Variants in MAN1C1 observed in about 807,000 individuals in gnomAD.
MAN1C1 encodes the protein mannosyl-oligosaccharide 1,2-alpha-mannosidase IC.
In MAN1C1, 49 loss-of-function variants were observed where a neutral mutation model predicts 71.5. The ratio of observed to expected loss-of-function variants is 0.69; its 90% CI spans 0.54 to 0.87. The LOEUF (loss-of-function observed/expected upper bound fraction) is 0.87. Ranked by LOEUF, MAN1C1 falls within the 40% of genes least tolerant of loss-of-function variation. The pLI is 0.00. For missense variants in MAN1C1, 743 were observed against 835.0 expected (o/e 0.89, Z 1.36); for synonymous variants, 352 against 343.7 (o/e 1.02, Z -0.27).
chr1:25,630,468 T>C (rs1223825396), intron 1 of MAN1C1, among the ~76,000 whole-genome samples: 1 of 152,228 alleles, frequency 6.6e-6, no homozygotes, highest in Non-Finnish European at 1.5e-5. Flanking sequence ...TGGGATTGCA[T>C]TGAATCTGTA....
chr1:25,757,510 G>C (rs1333696938), intron 5 of MAN1C1, among the ~76,000 whole-genome samples: 2 of 133,034 alleles, frequency 1.5e-5, no homozygotes, highest in African/African-American at 5.7e-5. Flanking sequence ...CGGGGGGGGG[G>C]GGCAGCTTGC....
At chr1:25,684,782 C>G (rs1395341701) in intron 1 of MAN1C1, among the ~76,000 whole-genome samples, 1 of 152,222 alleles carries the variant, frequency 6.6e-6, no homozygotes, top group East Asian at 1.9e-4. Context: ...GAAACACAGG[C>G]TGGGAGAGAG....
intron 5 of MAN1C1, among the ~76,000 whole-genome samples, chr1:25,755,326 C>G (rs1055532724): frequency 1.3e-5 from 2 of 152,212 alleles, no homozygotes; most frequent in Admixed American, 1.3e-4. Flanking sequence ...CCTCTGCAGC[C>G]AAGCTGGTCT....
intron 10 of MAN1C1, among the ~76,000 whole-genome samples, chr1:25,781,825 G>T (rs953132388): frequency 2.0e-4 from 31 of 152,268 alleles, no homozygotes; most frequent in African/African-American, 6.5e-4. Context: ...AAGGCCAAGC[G>T]TCTTGTGCTC....
In MAN1C1 at chr1:25,753,380, T is replaced by C; in HGVS notation, c.835-104T>C. 1.3e-6 allele frequency: 1 copy of C among 778,118 alleles called. No individual in the cohort carries two copies. The highest frequency in any genetic ancestry group is 2.0e-6 in the Non-Finnish European group (1 of 488,714). 48.2% of individuals were successfully genotyped at this position (778,118 alleles called of 1,614,324 possible). ...TGGACTGCAGCACTGCCCCCTACTC[T>C]AGACCTGCAGCCCTGGGGGGTTCAT... On this transcript the variant is annotated intron_variant, in intron 4 of 11. Coordinates refer to ENST00000374332, the MANE Select transcript of MAN1C1 (RefSeq NM_020379.4). This position sits in a 1 kb window ranked among gnomAD's most constrained non-coding sequence, Gnocchi z 4.9.
chr1:25,773,472 A>G (rs946626470), intron 8 of MAN1C1, among the ~76,000 whole-genome samples: 2 of 152,210 alleles, frequency 1.3e-5, no homozygotes, highest in Non-Finnish European at 2.9e-5. Context: ...TCAGTCATGA[A>G]GCAGCTTCTG....
intron 4 of MAN1C1, among the ~76,000 whole-genome samples, chr1:25,750,005 G>A (rs950153704): frequency 2.0e-5 from 3 of 152,194 alleles, no homozygotes; most frequent in South Asian, 2.1e-4. Flanking sequence ...GGAAGTGCAC[G>A]CTACAGGAAG....
chr1:25,758,786 G>A (rs1305208251), intron 6 of MAN1C1, 77 bp downstream of exon 6: 3 of 1,282,148 alleles, frequency 2.3e-6, no homozygotes, highest in Non-Finnish European at 3.4e-6. Flanking sequence ...TCAGAGGCGA[G>A]TGGGTCCTCC....
chr1:25,708,769 A>G (rs940104803), intron 2 of MAN1C1, among the ~76,000 whole-genome samples: 9 of 152,134 alleles, frequency 5.9e-5, no homozygotes, highest in Non-Finnish European at 1.0e-4. Flanking sequence ...CTGTAATCCC[A>G]GCTACTTGGG....
chr1:25,757,119 T>A (rs1390803455), intron 5 of MAN1C1, among the ~76,000 whole-genome samples: 2 of 151,922 alleles, frequency 1.3e-5, no homozygotes, highest in Admixed American at 1.3e-4. Context: ...AAGAATGGAG[T>A]TTAGAGAGAA....
chr1:25,622,099 A>G (rs890490291), intron 1 of MAN1C1, among the ~76,000 whole-genome samples: 55 of 152,206 alleles, frequency 3.6e-4, no homozygotes, highest in Admixed American at 3.3e-3. Flanking sequence ...TCCTCTGGTT[A>G]GGTGCAGCAC....
chr1:25,732,046 G>A (rs1411430930), intron 2 of MAN1C1, among the ~76,000 whole-genome samples: 1 of 152,162 alleles, frequency 6.6e-6, no homozygotes, highest in Admixed American at 6.5e-5. Flanking sequence ...TGGGCCAGGG[G>A]ATCAGTGGTG....
chr1:25,644,227 G>T (rs2045578608), intron 1 of MAN1C1, among the ~76,000 whole-genome samples: 1 of 152,106 alleles, frequency 6.6e-6, no homozygotes, highest in Non-Finnish European at 1.5e-5. Context: ...CCTGGGGGTA[G>T]TGGGTTTGCA....
At chr1:25,696,364 G>GC (rs150800936) in intron 2 of MAN1C1, among the ~76,000 whole-genome samples, 7,738 of 152,238 alleles carry the variant, frequency 0.051, 387 homozygotes, top group East Asian at 0.18. Context: ...ACTACCTGAG[G>GC]TCAGACAGCC....
intron 1 of MAN1C1, among the ~76,000 whole-genome samples, chr1:25,671,603 G>A (rs1314208868): frequency 2.0e-5 from 3 of 152,216 alleles, no homozygotes; most frequent in Admixed American, 6.5e-5. Flanking sequence ...AACGCCTCAT[G>A]TAGGAATGTG....
intron 2 of MAN1C1, among the ~76,000 whole-genome samples, chr1:25,737,699 A>G (rs2047001692): frequency 6.6e-6 from 1 of 152,152 alleles, no homozygotes; most frequent in Non-Finnish European, 1.5e-5. Context: ...AGTCACATGC[A>G]GCAGAGTTGG....
chr1:25,686,640 T>C, intron 2 of MAN1C1, 104 bp downstream of exon 2: 2 of 885,382 alleles, frequency 2.3e-6, no homozygotes, highest in Non-Finnish European at 3.7e-6. Context: ...CTGTGGGGGC[T>C]CCACAGTTCT....
At chr1:25,665,579 C>T (rs1363357585) in intron 1 of MAN1C1, among the ~76,000 whole-genome samples, 3 of 152,056 alleles carry the variant, frequency 2.0e-5, no homozygotes, top group Non-Finnish European at 4.4e-5. Context: ...TTTTGCACAC[C>T]GCTGTGGACC....
intron 1 of MAN1C1, among the ~76,000 whole-genome samples, chr1:25,642,175 C>T (rs2045546707): frequency 6.6e-6 from 1 of 152,238 alleles, no homozygotes; most frequent in African/African-American, 2.4e-5. Flanking sequence ...GGCCATCGCC[C>T]TCCCTCCTGT....
Sources: allele counts gnomAD v4.1 joint callset (sites outside exome capture counted in the v4.1 genomes callset), GRCh38; gene constraint gnomAD v4.1.1; non-coding constraint Gnocchi (gnomAD v3.1); transcripts MANE v1.5; gene names NCBI Gene and HGNC (gene_info 2026-07-23, HGNC 2026-07-21).